Variants in ZNF836 observed in about 807,000 individuals in gnomAD.
The protein encoded by ZNF836 is zinc finger protein 836.
A neutral mutation model predicts 7.4 loss-of-function variants in ZNF836; 12 were observed. That is an observed-to-expected ratio of 1.61 (90% CI 1.03 to 2.61). The LOEUF (loss-of-function observed/expected upper bound fraction) is 2.61, where lower values mean the gene tolerates loss of function less well. Ranked by LOEUF, ZNF836 falls within the 30% of genes most tolerant of loss-of-function variation. The pLI is 0.00. For missense variants in ZNF836, 998 were observed against 1,126.2 expected (o/e 0.89, Z 1.63); for synonymous variants, 365 against 382.6 (o/e 0.95, Z 0.54).
In ZNF836 at chr19:52,168,040, CTAAGAA is replaced by C; in HGVS notation, c.15+12_15+17del. On this transcript the variant is annotated intron_variant, in intron 3 of 4. Coordinates refer to ENST00000682614, the MANE Select transcript of ZNF836 (RefSeq NM_001102657.3). ...AAAAGGAAGGAGACAGAATGATCCA[CTAAGAA>C]TATCATTTTACCTGTGTAAGAGCCA... 6.3e-7 allele frequency: 1 copy of C among 1,576,106 alleles called. No individual in the cohort carries two copies. Among genetic ancestry groups the C allele is most frequent in the Non-Finnish European group, 8.7e-7 (1 of 1,146,432 alleles).
chr19:52,167,826 G>T (rs1189674984), intron 3 of ZNF836, among the ~76,000 whole-genome samples: 2 of 152,072 alleles, frequency 1.3e-5, no homozygotes, highest in Non-Finnish European at 2.9e-5. Flanking sequence ...TCCGTGTCTG[G>T]GTGTGAGTCT....
Position 52,156,250 on chromosome 19 carries a change from A to C in ZNF836, c.1433T>G (p.Val478Gly). Residue 478 changes from valine (V) to glycine (G), a missense_variant, in exon 5 of 5, where the codon GTC becomes GGC. By Grantham distance (109) the Val-to-Gly change is moderately radical (BLOSUM62 -3). Transcript: ENST00000682614. ...KPYKCNECGK[V>G]FSQTSHLVGH... ...CACAAGATGTGAAGTCTGACTGAAGACCTTGCCACATTCATTGCATTTGTA... is the reference window on the plus strand; with the variant it reads ...CACAAGATGTGAAGTCTGACTGAAGCCCTTGCCACATTCATTGCATTTGTA... 6.2e-7 allele frequency: 1 copy of C among 1,614,104 alleles called. No individual in the cohort carries two copies.
intron 2 of ZNF836, among the ~76,000 whole-genome samples, chr19:52,168,768 C>A: frequency 6.6e-6 from 1 of 151,994 alleles, no homozygotes; most frequent in Non-Finnish European, 1.5e-5. Context: ...ATGAACCATG[C>A]AATCTCCGCC....
intron 4 of ZNF836, among the ~76,000 whole-genome samples, chr19:52,158,380 A>G (rs2089184782): frequency 6.6e-6 from 1 of 152,064 alleles, no homozygotes; most frequent in Admixed American, 6.6e-5. Flanking sequence ...ATGAGAAAGA[A>G]TTTTTTGAAG....
At position 52,154,527 on chromosome 19, in the gene ZNF836, T is replaced by G. The variant is rs2089132948; in HGVS notation, c.*345A>C. 1 of 169,482 alleles carries G rather than the reference T, an allele frequency of 5.9e-6. No homozygotes were observed. 10.5% of individuals were successfully genotyped at this position (169,482 alleles called of 1,614,324 possible). On this transcript the variant is annotated 3_prime_UTR_variant, in exon 5 of 5. Coordinates refer to ENST00000682614, the MANE Select transcript of ZNF836 (RefSeq NM_001102657.3). ...TACAAAAATTAGCCAGGCATGGTGG[T>G]GTGCACCTGTAGTCCCAGCTACTCA...
intron 3 of ZNF836, among the ~76,000 whole-genome samples, chr19:52,164,039 G>A (rs2089237414): frequency 6.7e-6 from 1 of 150,248 alleles, no homozygotes; most frequent in Non-Finnish European, 1.5e-5. Flanking sequence ...AAAGAAGGAA[G>A]GAAGGAAGGG....
chr19:52,168,122 G>A lies in ZNF836; in HGVS notation c.-50C>T. The A allele has an allele frequency of 6.3e-7, 1 of 1,598,176 alleles. No homozygotes were observed. The highest frequency in any genetic ancestry group is 1.1e-5 in the South Asian group (1 of 88,872). ...CTTCCTCTTCTGGGCTTCTCTCTCA[G>A]TCAATATAATTAATTCTTTACAAGT... On this transcript the variant is annotated 5_prime_UTR_variant, in exon 3 of 5. Coordinates refer to ENST00000682614, the MANE Select transcript of ZNF836 (RefSeq NM_001102657.3).
chr19:52,159,954 C>T (rs1427809660), intron 4 of ZNF836, among the ~76,000 whole-genome samples: 2 of 152,020 alleles, frequency 1.3e-5, no homozygotes, highest in Non-Finnish European at 2.9e-5. Flanking sequence ...GAGGCCAAGG[C>T]GGGCAGACTG....
intron 3 of ZNF836, among the ~76,000 whole-genome samples, chr19:52,164,718 G>GAAT (rs1267389325): frequency 2.6e-5 from 4 of 152,138 alleles, no homozygotes; most frequent in Non-Finnish European, 5.9e-5. Flanking sequence ...ATGTATTCTG[G>GAAT]AAGTCCAATA....
intron 4 of ZNF836, 143 bp downstream of exon 4, chr19:52,160,322 G>T: frequency 1.0e-6 from 1 of 952,898 alleles, no homozygotes; most frequent in Non-Finnish European, 1.6e-6. Flanking sequence ...AAGGCCAGAT[G>T]CAGCATTATG....
chr19:52,160,264 C>T (rs1028425987), intron 4 of ZNF836: 11 of 618,778 alleles, frequency 1.8e-5, no homozygotes, highest in Admixed American at 3.0e-5. Context: ...CACAGGACAA[C>T]AAGGGAAGAC....
Position 52,160,592 on chromosome 19 carries a change from C to T in ZNF836, c.16-1G>A. 6.2e-7 allele frequency: 1 copy of T among 1,602,030 alleles called. No homozygotes were observed. The highest frequency in any genetic ancestry group is 8.5e-7 in the Non-Finnish European group (1 of 1,176,918). On this transcript the variant is annotated splice_acceptor_variant, in intron 3 of 4. Coordinates refer to ENST00000682614, the MANE Select transcript of ZNF836 (RefSeq NM_001102657.3). LOFTEE classifies it high-confidence loss of function. ...CTACATCCCTGAATGTCAAAGGTCC[C>T]TGAAATGAAAAACACATTTCAACAT...
intron 3 of ZNF836, among the ~76,000 whole-genome samples, chr19:52,164,697 A>G (rs1019994112): frequency 2.6e-5 from 4 of 152,320 alleles, no homozygotes; most frequent in East Asian, 1.9e-4. Context: ...ACAATCAAGC[A>G]CCAAGAACAT....
At chr19:52,167,892 G>C (rs898410482) in intron 3 of ZNF836, among the ~76,000 whole-genome samples, 166 bp downstream of exon 3, 1 of 152,174 alleles carries the variant, frequency 6.6e-6, no homozygotes, top group Non-Finnish European at 1.5e-5. Flanking sequence ...CTGGGTCGCA[G>C]TGAGATAGAA....
chr19:52,157,029 A>G lies in ZNF836; in HGVS notation c.654T>C (p.Tyr218=), dbSNP rs778614302. 5.0e-6 allele frequency: 8 copies of G among 1,614,140 alleles called. No homozygotes were observed. Among genetic ancestry groups the G allele is most frequent in the South Asian group, 1.1e-5 (1 of 91,086 alleles). Residue 218 remains tyrosine (Y), a synonymous_variant, in exon 5 of 5, where the codon TAT becomes TAC. Transcript: ENST00000682614. ...AGGCTTTGCCACACCCTTTACACAT[A>G]TAAGGTTTTTCCCTAATGTGTGTTT... ...LEKTHIREKP[Y]MCKGCGKAFR...
rs1219505303 is a variant in ZNF836, at chr19:52,169,758, A to G, written c.-191T>C. 6.6e-6 allele frequency: 1 copy of G among 150,608 alleles called. No homozygotes were observed. The highest frequency in any genetic ancestry group is 2.5e-5 in the African/African-American group (1 of 40,716). 9.3% of individuals were successfully genotyped at this position (150,608 alleles called of 1,614,324 possible). ...CAGTGAGCGGAGATCATGGCACTGT[A>G]CTCTAGTCTGACAGAGCAAGACCCT... On this transcript the variant is annotated 5_prime_UTR_variant, in exon 2 of 5. Transcript: ENST00000682614.
Position 52,155,079 on chromosome 19 carries a change from G to C in ZNF836, c.2604C>G (p.Gly868=). The part of the protein sequence containing the change: ...GEKPYKCIEC[G]KAFGRFSCLN... ...GGCAAGAAAACCGCCCAAAGGCCTT[G>C]CCACATTCAATACATTTGTATGGCT... Residue 868 remains glycine (G), a synonymous_variant, in exon 5 of 5, where the codon GGC becomes GGG. Coordinates refer to ENST00000682614, the MANE Select transcript of ZNF836 (RefSeq NM_001102657.3). The C allele has an allele frequency of 3.1e-6, 5 of 1,614,170 alleles. No homozygotes were observed. Among genetic ancestry groups the C allele is most frequent in the Non-Finnish European group, 3.4e-6 (4 of 1,180,022 alleles).
At chr19:52,169,494 A>G (rs1401351168) in intron 2 of ZNF836, among the ~76,000 whole-genome samples, 154 bp downstream of exon 2, 2 of 152,034 alleles carry the variant, frequency 1.3e-5, no homozygotes, top group Non-Finnish European at 1.5e-5. Context: ...CAAGAGAATC[A>G]CTTGAACCTG....
At chr19:52,164,384 A>C (rs11669499) in intron 3 of ZNF836, among the ~76,000 whole-genome samples, 18,366 of 136,226 alleles carry the variant, frequency 0.13, 1,297 homozygotes, top group Admixed American at 0.17. Context: ...CAGGAGTGAA[A>C]CTCTGTCTCA....
Sources: allele counts gnomAD v4.1 joint callset (sites outside exome capture counted in the v4.1 genomes callset), GRCh38; gene constraint gnomAD v4.1.1; transcripts MANE v1.5; gene names NCBI Gene and HGNC (gene_info 2026-07-23, HGNC 2026-07-21).